Variants in FNBP1L observed in about 807,000 individuals in gnomAD.
The protein encoded by FNBP1L is formin binding protein 1 like.
FNBP1L carries 36 observed loss-of-function variants against 91.2 expected under a neutral mutation model. The observed-to-expected ratio is 0.39, with a 90% confidence interval of 0.30 to 0.52. The LOEUF (loss-of-function observed/expected upper bound fraction) is 0.52, where lower values mean the gene tolerates loss of function less well. Among genes scored for constraint, FNBP1L ranks in the 20% least tolerant of loss-of-function variants. The pLI, the probability that FNBP1L is intolerant of heterozygous loss-of-function variation, is 0.66. For missense variants in FNBP1L, 571 were observed against 732.1 expected, an observed-to-expected ratio of 0.78 and a Z score of 2.54; for synonymous variants, 242 against 237.0, an observed-to-expected ratio of 1.02 and a Z score of -0.19.
At chr1:93,519,724 C>G (rs1273131514) in intron 2 of FNBP1L, among the ~76,000 whole-genome samples, 1 of 152,058 alleles carries the variant, frequency 6.6e-6, no homozygotes, top group Admixed American at 6.6e-5. Context: ...CCAAGGCAGG[C>G]GGATCACTTG....
At position 93,448,246 on chromosome 1, in the gene FNBP1L, G is replaced by A; in HGVS notation, c.-36G>A. 1 of 1,521,244 alleles carries A rather than the reference G, an allele frequency of 6.6e-7. No homozygotes were observed. Among genetic ancestry groups the A allele is most frequent in the Non-Finnish European group, 8.8e-7 (1 of 1,134,182 alleles). The allele number at this position is 1,521,244 out of a possible 1,614,324, so 94.2% of individuals were successfully genotyped here. On this transcript the variant is annotated 5_prime_UTR_variant, in exon 1 of 17. Transcript: ENST00000271234. ...AGACTGTGGAGCCGACAGACTGAAG[G>A]ACAGCGGCACCGCCAGACGGCCAGA...
intron 1 of FNBP1L, among the ~76,000 whole-genome samples, chr1:93,486,263 T>C: frequency 6.6e-6 from 1 of 152,180 alleles, no homozygotes; most frequent in East Asian, 1.9e-4. Context: ...ATTGCACGGA[T>C]GTACCACTAT....
intron 2 of FNBP1L, among the ~76,000 whole-genome samples, chr1:93,520,330 G>A (rs139595181): frequency 8.5e-5 from 13 of 152,314 alleles, no homozygotes; most frequent in Admixed American, 2.0e-4. Flanking sequence ...TTGAAAGATA[G>A]TATGGCCACT....
intron 2 of FNBP1L, among the ~76,000 whole-genome samples, chr1:93,501,694 A>G (rs1670443666): frequency 6.6e-6 from 1 of 152,152 alleles, no homozygotes; most frequent in South Asian, 2.1e-4. Context: ...CCATAGTGAG[A>G]AGTGAATCTA....
At chr1:93,449,195 C>G (rs561187357) in intron 1 of FNBP1L, among the ~76,000 whole-genome samples, 1 of 152,218 alleles carries the variant, frequency 6.6e-6, no homozygotes, top group South Asian at 2.1e-4. Flanking sequence ...GGCCAAGGTA[C>G]GGGCGGAGGG....
At chr1:93,538,594 A>G (rs1374478847) in intron 10 of FNBP1L, among the ~76,000 whole-genome samples, 1 of 152,118 alleles carries the variant, frequency 6.6e-6, no homozygotes, top group African/African-American at 2.4e-5. Flanking sequence ...CTAGATATTT[A>G]TCTCAAAAAT....
Position 93,529,704 on chromosome 1 carries a change from G to C in FNBP1L, c.458G>C (p.Ser153Thr), listed in dbSNP as rs753192130. 1 of 1,530,352 alleles carries C rather than the reference G, an allele frequency of 6.5e-7. No homozygotes were observed. The highest frequency in any genetic ancestry group is 1.3e-5 in the South Asian group (1 of 77,936). The allele number at this position is 1,530,352 out of a possible 1,614,324, so 94.8% of individuals were successfully genotyped here. A position where few individuals can be genotyped will look rare whatever the true frequency, so the allele number is the denominator to read the frequency against. ...ECREAEKAQQ[S>T]YERLDNDTNA... The stretch of plus-strand genomic sequence containing the variant: ...AGAGAGGCAGAAAAGGCACAACAGA[G>C]TTATGAAAGATTGGATAATGATACT... The change falls in exon 6 of 17, where the codon AGT (serine) becomes ACT (threonine). Residue 153 changes from serine to threonine, a missense_variant. By Grantham distance (58) the Ser-to-Thr change is moderately conservative. Coordinates refer to ENST00000271234, the MANE Select transcript of FNBP1L (RefSeq NM_001164473.3).
chr1:93,481,738 C>G (rs1003536710), intron 1 of FNBP1L, among the ~76,000 whole-genome samples: 1 of 152,110 alleles, frequency 6.6e-6, no homozygotes, highest in Non-Finnish European at 1.5e-5. Flanking sequence ...CTGTCCATTT[C>G]TACGTAATTG....
chr1:93,551,928 A>G, intron 16 of FNBP1L: 1 of 986,114 alleles, frequency 1.0e-6, no homozygotes, highest in Non-Finnish European at 1.2e-6. Context: ...AGTTACACAT[A>G]GGAAAATACA....
chr1:93,505,759 C>G (rs1570813379), intron 2 of FNBP1L, among the ~76,000 whole-genome samples: 1 of 152,150 alleles, frequency 6.6e-6, no homozygotes, highest in South Asian at 2.1e-4. Context: ...GAAGAGGAAC[C>G]TCTACTTTAC....
chr1:93,501,285 C>T (rs898625112), intron 2 of FNBP1L, among the ~76,000 whole-genome samples: 2 of 152,064 alleles, frequency 1.3e-5, no homozygotes, highest in Non-Finnish European at 1.5e-5. Context: ...AGTGCCCTAG[C>T]TCATTTTATG....
chr1:93,514,321 T>G (rs1670984330), intron 2 of FNBP1L, among the ~76,000 whole-genome samples: 2 of 151,790 alleles, frequency 1.3e-5, no homozygotes, highest in Non-Finnish European at 2.9e-5. Flanking sequence ...AGAATCAATA[T>G]CGTGAAAATG....
intron 1 of FNBP1L, among the ~76,000 whole-genome samples, chr1:93,448,772 G>T (rs977514561): frequency 2.0e-5 from 3 of 152,322 alleles, no homozygotes; most frequent in Middle Eastern, 3.4e-3. Flanking sequence ...GCCCGGGCCA[G>T]GTCCGCGGGG....
At chr1:93,464,016 C>T (rs1476592985) in intron 1 of FNBP1L, among the ~76,000 whole-genome samples, 1 of 152,124 alleles carries the variant, frequency 6.6e-6, no homozygotes, top group East Asian at 1.9e-4. Flanking sequence ...TTTCACTACC[C>T]TAAAAATCCC....
Position 93,499,557 on chromosome 1 carries a change from T to C in FNBP1L, c.114T>C (p.Ile38=). 6.3e-7 allele frequency: 1 copy of C among 1,598,320 alleles called. No individual in the cohort carries two copies. The highest frequency in any genetic ancestry group is 8.5e-7 in the Non-Finnish European group (1 of 1,172,638). The change falls in exon 2 of 17, where the codon ATT becomes ATC. Residue 38 remains isoleucine, a synonymous_variant. Coordinates refer to ENST00000271234, the MANE Select transcript of FNBP1L (RefSeq NM_001164473.3). The part of the protein sequence containing the change: ...YAKFVKERIE[I]EQNYAKQLRN... ...AATTTGTTAAAGAGAGGATAGAAAT[T>C]GAACAGAACTATGCGAAACAATTGA...
intron 1 of FNBP1L, among the ~76,000 whole-genome samples, chr1:93,457,684 A>C (rs1025245172): frequency 3.3e-5 from 5 of 152,004 alleles, no homozygotes; most frequent in Admixed American, 3.3e-4. Flanking sequence ...ATTTTTTATT[A>C]AGTTAAATAG....
chr1:93,515,085 C>G (rs537409652), intron 2 of FNBP1L, among the ~76,000 whole-genome samples: 20 of 152,032 alleles, frequency 1.3e-4, no homozygotes, highest in Non-Finnish European at 2.8e-4. Flanking sequence ...AAAAACAACC[C>G]CATCAAAAAG....
chr1:93,478,329 C>T (rs898205801), intron 1 of FNBP1L, among the ~76,000 whole-genome samples: 4 of 152,062 alleles, frequency 2.6e-5, no homozygotes, highest in African/African-American at 9.7e-5. Flanking sequence ...AGGACAGCCT[C>T]CATGTGAGAG....
At chr1:93,514,833 A>T (rs1281433231) in intron 2 of FNBP1L, among the ~76,000 whole-genome samples, 1 of 152,180 alleles carries the variant, frequency 6.6e-6, no homozygotes, top group South Asian at 2.1e-4. Context: ...AAACCTAGGC[A>T]TTACCATTCA....
Sources: allele counts gnomAD v4.1 joint callset (sites outside exome capture counted in the v4.1 genomes callset), GRCh38; gene constraint gnomAD v4.1.1; transcripts MANE v1.5; gene names NCBI Gene and HGNC (gene_info 2026-07-23, HGNC 2026-07-21).